CNTN5: variants seen among roughly 807,000 people sequenced by gnomAD.
CNTN5 encodes contactin-5.
In CNTN5, 77 loss-of-function variants were observed where a neutral mutation model predicts 129.1. The observed-to-expected ratio is 0.60, with a 90% CI of 0.50 to 0.72. The LOEUF (loss-of-function observed/expected upper bound fraction) is 0.72. Among genes scored for constraint, CNTN5 ranks in the 30% least tolerant of loss-of-function variants. CNTN5 has a pLI of 0.00. For synonymous variants in CNTN5, 509 were observed against 465.6 expected (o/e 1.09, Z -1.20); for missense variants, 1,478 against 1,328.8 (o/e 1.11, Z -1.75).
chr11:100,214,828 C>T (rs1421667048), intron 15 of CNTN5, among the ~76,000 whole-genome samples: 2 of 152,172 alleles, frequency 1.3e-5, no homozygotes, highest in Non-Finnish European at 2.9e-5. Flanking sequence ...TATAAAACTA[C>T]AAAGATTTTA....
intron 21 of CNTN5, among the ~76,000 whole-genome samples, chr11:100,328,479 C>T (rs141639810): frequency 1.8e-3 from 268 of 152,192 alleles, no homozygotes; most frequent in African/African-American, 6.1e-3. Context: ...ACAGGAAGTC[C>T]GGCTGAGGAG....
At chr11:100,262,378 G>A (rs1227101056) in intron 17 of CNTN5, among the ~76,000 whole-genome samples, 4 of 152,210 alleles carry the variant, frequency 2.6e-5, no homozygotes, top group Non-Finnish European at 4.4e-5. Context: ...GGAGGACAGT[G>A]TGGTGATTCC....
intron 13 of CNTN5, among the ~76,000 whole-genome samples, chr11:100,111,370 A>G (rs1334955561): frequency 6.6e-6 from 1 of 152,180 alleles, no homozygotes; most frequent in Non-Finnish European, 1.5e-5. Context: ...ACATCTCAAA[A>G]AGGCAGGATA....
intron 8 of CNTN5, among the ~76,000 whole-genome samples, chr11:99,962,492 C>A (rs528476269): frequency 1.3e-4 from 20 of 151,912 alleles, no homozygotes; most frequent in South Asian, 2.1e-4. Context: ...TGAACTCATC[C>A]TTTTTTATGG....
At chr11:99,345,826 C>T (rs1204334503) in intron 2 of CNTN5, among the ~76,000 whole-genome samples, 6 of 152,090 alleles carry the variant, frequency 3.9e-5, no homozygotes, top group Admixed American at 3.9e-4. Flanking sequence ...TTTCTCCTGG[C>T]CCCTTTGAAA....
At chr11:99,098,952 T>C (rs1018655744) in intron 1 of CNTN5, among the ~76,000 whole-genome samples, 2 of 152,122 alleles carry the variant, frequency 1.3e-5, no homozygotes, top group African/African-American at 4.8e-5. Flanking sequence ...TGAACATCAT[T>C]ATTTTTGAAA....
At chr11:100,037,180 G>A (rs1284557305) in intron 9 of CNTN5, among the ~76,000 whole-genome samples, 10 of 48,996 alleles carry the variant, frequency 2.0e-4, no homozygotes, top group African/African-American at 3.8e-4. Flanking sequence ...TAGCATGAAG[G>A]TTGTTGAATT....
At position 99,477,119 on chromosome 11, in the gene CNTN5, ATATT is replaced by A. The variant is rs563653296; in HGVS notation, c.-70-79023_-70-79020del. Reference sequence around the variant, plus strand: ...TATTGAATTTATTTAATTTGAAAAAATATTTAGTTAATATCCTTAAATGAATATA... The same window carrying A: ...TATTGAATTTATTTAATTTGAAAAAATAGTTAATATCCTTAAATGAATATA... On this transcript the variant is annotated intron_variant, in intron 2 of 24. Coordinates refer to ENST00000524871, the MANE Select transcript of CNTN5 (RefSeq NM_014361.4). 1.2e-4 allele frequency among the ~76,000 whole-genome samples: 18 copies of A among 152,080 alleles called. No homozygotes were observed. The South Asian group carries it at 2.3e-3, about 19-fold the overall frequency.
chr11:100,227,839 T>C (rs1174668432), intron 16 of CNTN5, among the ~76,000 whole-genome samples: 1 of 152,156 alleles, frequency 6.6e-6, no homozygotes, highest in South Asian at 2.1e-4. Context: ...TCGATCATGC[T>C]ATTAAGGAAA....
At chr11:99,928,303 A>T (rs1379727327) in intron 7 of CNTN5, among the ~76,000 whole-genome samples, 3 of 152,146 alleles carry the variant, frequency 2.0e-5, no homozygotes, top group Non-Finnish European at 4.4e-5. Context: ...CTGGAGGACA[A>T]TGGCCCTCTT....
chr11:100,285,891 G>A (rs1049666004), intron 18 of CNTN5, among the ~76,000 whole-genome samples: 7 of 152,206 alleles, frequency 4.6e-5, no homozygotes, highest in Admixed American at 4.6e-4. Flanking sequence ...GCAGGTCAGT[G>A]GGTGCGCGCA....
intron 6 of CNTN5, among the ~76,000 whole-genome samples, chr11:99,883,890 A>G (rs1431983336): frequency 6.6e-6 from 1 of 152,244 alleles, no homozygotes; most frequent in Non-Finnish European, 1.5e-5. Context: ...AGATATTAGA[A>G]GCCACGTCTT....
At chr11:99,649,407 T>C (rs1443235449) in intron 3 of CNTN5, among the ~76,000 whole-genome samples, 1 of 151,746 alleles carries the variant, frequency 6.6e-6, no homozygotes, top group African/African-American at 2.4e-5. Context: ...AGGAGAAAAT[T>C]CAGAATTTAT....
intron 16 of CNTN5, among the ~76,000 whole-genome samples, chr11:100,234,792 T>TAAAAAAAAAAAAAAAAAAAA (rs781363668): frequency 2.0e-5 from 2 of 102,064 alleles, no homozygotes; most frequent in Non-Finnish European, 1.9e-5. Context: ...TCCCAGAATT[T>TAAAAAAAAAAAAAAAAAAAA]AAAAAAAAAA....
At chr11:100,087,266 A>G (rs968116603) in intron 13 of CNTN5, among the ~76,000 whole-genome samples, 1 of 151,850 alleles carries the variant, frequency 6.6e-6, no homozygotes, top group African/African-American at 2.4e-5. Flanking sequence ...ATAAAAAATG[A>G]TATTTCAAAT....
chr11:99,903,236 A>G (rs936314856), intron 6 of CNTN5, among the ~76,000 whole-genome samples: 46 of 152,048 alleles, frequency 3.0e-4, no homozygotes, highest in African/African-American at 1.0e-3. Flanking sequence ...ACTCAAGCAC[A>G]CATATGCGAA....
At chr11:99,658,901 A>AAG (rs1952490007) in intron 3 of CNTN5, among the ~76,000 whole-genome samples, 2 of 149,400 alleles carry the variant, frequency 1.3e-5, no homozygotes, top group Middle Eastern at 3.5e-3. Flanking sequence ...AAAAAAAAAA[A>AAG]AAAAGAAAAA....
intron 7 of CNTN5, among the ~76,000 whole-genome samples, chr11:99,930,823 T>C (rs1950175870): frequency 1.7e-5 from 1 of 59,068 alleles, no homozygotes; most frequent in Non-Finnish European, 3.9e-5. Context: ...ACACACATTT[T>C]AGTATTTTTA....
chr11:99,268,510 A>T (rs535369952), intron 1 of CNTN5, among the ~76,000 whole-genome samples: 2 of 152,044 alleles, frequency 1.3e-5, no homozygotes, highest in African/African-American at 4.8e-5. Context: ...GGTCATTATT[A>T]GTCCCTACAT....
Sources: allele counts gnomAD v4.1 joint callset (sites outside exome capture counted in the v4.1 genomes callset), GRCh38; gene constraint gnomAD v4.1.1; transcripts MANE v1.5; gene names NCBI Gene and HGNC (gene_info 2026-07-23, HGNC 2026-07-21).